C13orf42: variants seen among roughly 807,000 people sequenced by gnomAD.
C13orf42 encodes uncharacterized protein C13orf42.
chr13:51,106,347 TC>T (rs1953356007), intron 1 of C13orf42, among the ~76,000 whole-genome samples: 1 of 152,068 alleles, frequency 6.6e-6, no homozygotes, highest in East Asian at 1.9e-4. Context: ...CTAATGACTC[TC>T]CCTGGCCCAG....
intron 1 of C13orf42, among the ~76,000 whole-genome samples, chr13:51,154,835 G>A (rs148422722): frequency 8.8e-4 from 134 of 152,270 alleles, no homozygotes; most frequent in African/African-American, 3.1e-3. Flanking sequence ...CACATTCGAC[G>A]GTTTCTTGTG....
chr13:51,100,418 T>C (rs569858314), intron 1 of C13orf42, among the ~76,000 whole-genome samples: 1 of 152,246 alleles, frequency 6.6e-6, no homozygotes, highest in Admixed American at 6.5e-5. Context: ...CAAAAATCCC[T>C]GTAAGTAACA....
intron 1 of C13orf42, among the ~76,000 whole-genome samples, chr13:51,163,567 A>T (rs987370275): frequency 6.6e-6 from 1 of 151,920 alleles, no homozygotes; most frequent in African/African-American, 2.4e-5. Flanking sequence ...CACTTAGCAA[A>T]CTCCACCTAC....
intron 1 of C13orf42, among the ~76,000 whole-genome samples, chr13:51,123,924 A>G (rs992411966): frequency 1.3e-5 from 2 of 152,210 alleles, no homozygotes; most frequent in African/African-American, 4.8e-5. Context: ...CTGTCCCCGT[A>G]AAACAAATGA....
intron 1 of C13orf42, among the ~76,000 whole-genome samples, chr13:51,095,817 C>T (rs925446738): frequency 6.6e-6 from 1 of 151,892 alleles, no homozygotes; most frequent in African/African-American, 2.4e-5. Flanking sequence ...TAAAATTTTC[C>T]TGTCTGATAG....
chr13:51,160,972 A>AC (rs1256557945), intron 1 of C13orf42, among the ~76,000 whole-genome samples: 1 of 150,534 alleles, frequency 6.6e-6, no homozygotes, highest in Non-Finnish European at 1.5e-5. Flanking sequence ...AGAAAAAAAA[A>AC]AAAAACAAAA....
Position 51,160,963 on chromosome 13 carries a change from G to GAA in C13orf42, n.136+11288_136+11289dup, listed in dbSNP as rs78703300. 2.5e-3 allele frequency among the ~76,000 whole-genome samples: 262 copies of GAA among 105,000 alleles called. 3 individuals carry two copies. In the East Asian group the frequency reaches 0.073, roughly 29 times the overall value. 68.9% of individuals were successfully genotyped at this position (105,000 alleles called of 152,430 possible). A position where few individuals can be genotyped will look rare whatever the true frequency, so the allele number is the denominator to read the frequency against. ...GAAAACCTACAAAGATTGGAAACAA[G>GAA]AAAAAAAAAAAAAACAAAAAACTGC... is the stretch of plus-strand genomic sequence containing the variant. On this transcript the variant is annotated intron_variant and non_coding_transcript_variant, in intron 1 of 4. Coordinates refer to the C13orf42 transcript ENST00000433280.
chr13:51,168,225 T>C (rs1297921072), intron 1 of C13orf42, among the ~76,000 whole-genome samples: 1 of 152,232 alleles, frequency 6.6e-6, no homozygotes, highest in African/African-American at 2.4e-5. Flanking sequence ...AAAGCCCAGT[T>C]TGCAAGAAGC....
At chr13:51,137,879 T>C (rs973737769) in intron 1 of C13orf42, among the ~76,000 whole-genome samples, 6 of 152,074 alleles carry the variant, frequency 3.9e-5, no homozygotes, top group Non-Finnish European at 7.4e-5. Context: ...ATGCACAGGG[T>C]TTGGTTTTGA....
At chr13:51,138,008 G>A (rs1399226942) in intron 1 of C13orf42, among the ~76,000 whole-genome samples, 1 of 152,096 alleles carries the variant, frequency 6.6e-6, no homozygotes, top group African/African-American at 2.4e-5. Context: ...GAGGCAGGAG[G>A]GTTTGTGTCA....
rs1400947052 is a variant in C13orf42 at position 51,082,676 on chromosome 13, A to G, written c.*1475T>C. ...TATAAAACAAATCTCCTAAACATTT[A>G]CTTTCCAGTCAAGCTTCTGGCTATA... is the stretch of plus-strand genomic sequence containing the variant. On this transcript the variant is annotated 3_prime_UTR_variant, in exon 4 of 4. Transcript: ENST00000563710. 2.0e-5 allele frequency: 3 copies of G among 152,250 alleles called. No individual in the cohort carries two copies. Among genetic ancestry groups the G allele is most frequent in the Middle Eastern group, 6.3e-3 (2 of 316 alleles). 9.4% of individuals were successfully genotyped at this position (152,250 alleles called of 1,614,324 possible). A position where few individuals can be genotyped will look rare whatever the true frequency, so the allele number is the denominator to read the frequency against.
At chr13:51,171,295 C>T (rs917913650) in intron 1 of C13orf42, among the ~76,000 whole-genome samples, 1 of 152,138 alleles carries the variant, frequency 6.6e-6, no homozygotes, top group Non-Finnish European at 1.5e-5. Context: ...GAAAATGGCA[C>T]TTTGAATTTT....
At chr13:51,100,916 T>A (rs573480161) in intron 1 of C13orf42, among the ~76,000 whole-genome samples, 1 of 152,310 alleles carries the variant, frequency 6.6e-6, no homozygotes, top group East Asian at 1.9e-4. Context: ...TAAATTTGCC[T>A]TTTAAGCTTT....
intron 1 of C13orf42, among the ~76,000 whole-genome samples, chr13:51,156,739 T>G (rs1040100744): frequency 6.6e-6 from 1 of 152,212 alleles, no homozygotes; most frequent in Non-Finnish European, 1.5e-5. Flanking sequence ...TAGTTACTAT[T>G]GTTAAGGAGA....
chr13:51,159,540 T>G (rs1953848722), intron 1 of C13orf42, among the ~76,000 whole-genome samples: 1 of 152,204 alleles, frequency 6.6e-6, no homozygotes, highest in South Asian at 2.1e-4. Flanking sequence ...TCGTTGACTT[T>G]CAAAAAACAA....
chr13:51,151,229 AT>A (rs1372517310), intron 1 of C13orf42, among the ~76,000 whole-genome samples: 1 of 152,206 alleles, frequency 6.6e-6, no homozygotes, highest in Non-Finnish European at 1.5e-5. Context: ...GATTTTCCAG[AT>A]TATCTTTCTT....
At chr13:51,158,793 G>A (rs1953842023) in intron 1 of C13orf42, among the ~76,000 whole-genome samples, 1 of 152,242 alleles carries the variant, frequency 6.6e-6, no homozygotes, top group Admixed American at 6.5e-5. Context: ...CTGAATTGAT[G>A]GGTGTTCTGT....
intron 1 of C13orf42, among the ~76,000 whole-genome samples, chr13:51,162,512 C>G (rs146218200): frequency 1.9e-3 from 295 of 152,236 alleles, no homozygotes; most frequent in Admixed American, 2.7e-3. Flanking sequence ...ATCAGAGAAA[C>G]CTGTGAGTGT....
chr13:51,116,888 C>T (rs537702319), intron 1 of C13orf42, among the ~76,000 whole-genome samples: 6 of 152,268 alleles, frequency 3.9e-5, no homozygotes, highest in South Asian at 4.2e-4. Flanking sequence ...GTGAGGTGGC[C>T]GGAATACTTA....
Sources: gnomAD v4.1 joint callset for allele counts (sites outside exome capture counted in the v4.1 genomes callset) on GRCh38, gnomAD v4.1.1 for gene constraint, MANE v1.5 for transcripts, NCBI Gene and HGNC (gene_info 2026-07-23, HGNC 2026-07-21) for gene names.